Variants in PPP1R13B observed in about 807,000 individuals in gnomAD.
The protein encoded by PPP1R13B is protein phosphatase 1 regulatory subunit 13B.
In PPP1R13B, 44 loss-of-function variants were observed where a neutral mutation model predicts 119.8. The ratio of observed to expected loss-of-function variants is 0.37; its 90% CI spans 0.29 to 0.47. The LOEUF (loss-of-function observed/expected upper bound fraction) is 0.47. Ranked by LOEUF, PPP1R13B falls within the 20% of genes least tolerant of loss-of-function variation. The pLI is 0.99. For synonymous variants in PPP1R13B, 542 were observed against 561.5 expected (o/e 0.97, Z 0.49); for missense variants, 1,227 against 1,413.5 (o/e 0.87, Z 2.12).
At chr14:103,736,417 C>G in intron 15 of PPP1R13B, 1 of 600,150 alleles carries the variant, frequency 1.7e-6, no homozygotes. Context: ...CCGGCCCTTT[C>G]TAAGTCCTGC....
intron 3 of PPP1R13B, among the ~76,000 whole-genome samples, chr14:103,782,872 C>T (rs973410545): frequency 6.6e-6 from 1 of 151,568 alleles, no homozygotes; most frequent in Non-Finnish European, 1.5e-5. Flanking sequence ...GGCGCGATCT[C>T]GGGCTCACTG....
intron 1 of PPP1R13B, among the ~76,000 whole-genome samples, chr14:103,818,077 G>A (rs1458959215): frequency 6.6e-6 from 1 of 152,024 alleles, no homozygotes; most frequent in African/African-American, 2.4e-5. Flanking sequence ...ACAAAACATT[G>A]TAAGTGTGAC....
At chr14:103,775,302 T>C (rs2085161980) in intron 4 of PPP1R13B, among the ~76,000 whole-genome samples, 1 of 150,834 alleles carries the variant, frequency 6.6e-6, no homozygotes, top group African/African-American at 2.5e-5. Flanking sequence ...GGAGACAGAG[T>C]CTCGCTCTGT....
intron 7 of PPP1R13B, among the ~76,000 whole-genome samples, chr14:103,751,933 C>CAGTAAAGTAAT (rs2084558054): frequency 6.6e-6 from 1 of 152,086 alleles, no homozygotes; most frequent in Admixed American, 6.6e-5. Context: ...AAAATATCAC[C>CAGTAAAGTAAT]CTAAGTTTAA....
At chr14:103,832,843 G>A (rs1356196993) in intron 1 of PPP1R13B, among the ~76,000 whole-genome samples, 1 of 152,136 alleles carries the variant, frequency 6.6e-6, no homozygotes, top group African/African-American at 2.4e-5. Flanking sequence ...TTAGCTGGGT[G>A]TGGTGATGGG....
intron 4 of PPP1R13B, among the ~76,000 whole-genome samples, chr14:103,762,608 AAAAG>A (rs1358953694): frequency 3.3e-5 from 5 of 151,970 alleles, no homozygotes; most frequent in Non-Finnish European, 7.4e-5. Context: ...AAAAAAAAAA[AAAAG>A]AATGTCACCA....
intron 3 of PPP1R13B, among the ~76,000 whole-genome samples, chr14:103,782,936 C>G (rs891982223): frequency 1.6e-4 from 24 of 151,954 alleles, no homozygotes. Context: ...CCCCGAGTAG[C>G]TGGGATTACA....
At chr14:103,751,585 T>C (rs998685140) in intron 7 of PPP1R13B, among the ~76,000 whole-genome samples, 2 of 152,162 alleles carry the variant, frequency 1.3e-5, no homozygotes, top group African/African-American at 4.8e-5. Context: ...ATTGTAATGG[T>C]GTCTGGAGGC....
intron 1 of PPP1R13B, among the ~76,000 whole-genome samples, chr14:103,816,514 C>G: frequency 6.6e-6 from 1 of 151,172 alleles, no homozygotes; most frequent in Non-Finnish European, 1.5e-5. Context: ...CGGTGAAACC[C>G]CGTCTCTGCT....
chr14:103,802,000 T>C (rs1429574602), intron 1 of PPP1R13B, among the ~76,000 whole-genome samples: 1 of 152,210 alleles, frequency 6.6e-6, no homozygotes, highest in African/African-American at 2.4e-5. Context: ...ATAAGTAGCC[T>C]GGAATCTACA....
intron 2 of PPP1R13B, among the ~76,000 whole-genome samples, chr14:103,785,552 T>A (rs1164745371): frequency 7.5e-6 from 1 of 132,880 alleles, no homozygotes; most frequent in Non-Finnish European, 1.6e-5. Flanking sequence ...AGAGTTTTGC[T>A]CTTATCACTT....
At position 103,737,714 on chromosome 14, in the gene PPP1R13B, T is replaced by C. The variant is rs1316787644; in HGVS notation, c.3011A>G (p.Gln1004Arg). 6.2e-7 allele frequency: 1 copy of C among 1,614,232 alleles called. No individual in the cohort carries two copies. The highest frequency in any genetic ancestry group is 1.1e-5 in the South Asian group (1 of 91,088). ...CGTACCATATAGAAACTGGGAGCAC[T>C]GGATGTAGCCTTCCTCCATCTCCTC... ...KCEEMEEGYI[Q>R]CSQFLYGVQE... Residue 1004 changes from glutamine (Q) to arginine (R), a missense_variant, in exon 15 of 17, where the codon CAG (glutamine) becomes CGG (arginine). Coordinates refer to ENST00000202556, the MANE Select transcript of PPP1R13B (RefSeq NM_015316.3).
At position 103,733,591 on chromosome 14, in the gene PPP1R13B, C is replaced by CTATT. The variant is rs2084009807; in HGVS notation, c.*1559_*1562dup. 6.5e-6 allele frequency: 1 copy of CTATT among 153,140 alleles called. No homozygotes were observed. 9.5% of individuals were successfully genotyped at this position (153,140 alleles called of 1,614,324 possible). ...CTTTGTGTTTTGTACTTTTCACTCACTATTTCACTTTATTAAGATGACTGT... is the reference window on the plus strand; with the variant it reads ...CTTTGTGTTTTGTACTTTTCACTCACTATTTATTTCACTTTATTAAGATGACTGT... On this transcript the variant is annotated 3_prime_UTR_variant, in exon 17 of 17. Transcript: ENST00000202556.
chr14:103,742,273 C>G lies in PPP1R13B; in HGVS notation c.1339G>C (p.Val447Leu). ...CCTACACCCGGGATGGGAGGTGGCA[C>G]TTTACCAATCTCGATGCCCTAAGTT... The part of the protein sequence containing the change: ...TEKPGIEIGK[V>L]PPPIPGVGKQ... The change falls in exon 11 of 17, where the codon GTG becomes CTG. Residue 447 changes from valine (V) to leucine (L), a missense_variant. Coordinates refer to ENST00000202556, the MANE Select transcript of PPP1R13B (RefSeq NM_015316.3). The surrounding 1 kb of genome is among the most constrained non-coding windows in gnomAD (Gnocchi z 4.9). 8 of 1,563,226 alleles carry G rather than the reference C, an allele frequency of 5.1e-6. No individual in the cohort carries two copies. The highest frequency in any genetic ancestry group is 6.9e-6 in the Non-Finnish European group (8 of 1,160,652).
chr14:103,804,644 G>A (rs1334673422), intron 1 of PPP1R13B, among the ~76,000 whole-genome samples: 8 of 152,018 alleles, frequency 5.3e-5, no homozygotes, highest in African/African-American at 1.9e-4. Context: ...CTGAGGTAGA[G>A]GATCACATAA....
intron 4 of PPP1R13B, among the ~76,000 whole-genome samples, chr14:103,778,436 A>T (rs1217353610): frequency 6.6e-6 from 1 of 151,082 alleles, no homozygotes; most frequent in Non-Finnish European, 1.5e-5. Context: ...TAATTTTTGT[A>T]TTTTTTTGTA....
At position 103,753,228 on chromosome 14, in the gene PPP1R13B, G is replaced by T. The variant is rs368724315; in HGVS notation, c.632-32C>A. ...TTGACCACACAAGAAAAGAATAAAA[G>T]ATTTAGTTGATCCTTTTTTTTTTTC... On this transcript the variant is annotated intron_variant, in intron 6 of 16. Coordinates refer to ENST00000202556, the MANE Select transcript of PPP1R13B (RefSeq NM_015316.3). 9.2e-6 allele frequency: 14 copies of T among 1,526,156 alleles called. No individual in the cohort carries two copies. The African/African-American group carries it at 1.6e-4, about 18-fold the overall frequency. 94.5% of individuals were successfully genotyped at this position (1,526,156 alleles called of 1,614,324 possible). A position where few individuals can be genotyped will look rare whatever the true frequency, so the allele number is the denominator to read the frequency against.
intron 1 of PPP1R13B, among the ~76,000 whole-genome samples, chr14:103,841,614 A>AT (rs1443507260): frequency 6.6e-6 from 1 of 152,178 alleles, no homozygotes; most frequent in South Asian, 2.1e-4. Flanking sequence ...AGAAAAAAAA[A>AT]TTTTTTTAAA....
At chr14:103,739,217 G>A (rs1452873795) in intron 12 of PPP1R13B, 194 bp from the exon 13 acceptor site, 1 of 657,176 alleles carries the variant, frequency 1.5e-6, no homozygotes, top group Non-Finnish European at 2.5e-6. Flanking sequence ...TCACTACAAG[G>A]GAGAGCCCTG....
Sources: allele counts gnomAD v4.1 joint callset (sites outside exome capture counted in the v4.1 genomes callset), GRCh38; gene constraint gnomAD v4.1.1; non-coding constraint Gnocchi (gnomAD v3.1); transcripts MANE v1.5; gene names NCBI Gene and HGNC (gene_info 2026-07-23, HGNC 2026-07-21).